IMMP2L: variants seen among roughly 807,000 people sequenced by gnomAD.
IMMP2L encodes the protein mitochondrial inner membrane protease subunit 2.
Under a neutral mutation model 19.3 loss-of-function variants are expected in IMMP2L, and 18 were observed. That is an observed-to-expected ratio of 0.93 (90% confidence interval 0.64 to 1.38). The LOEUF is 1.38. IMMP2L is among the 40% of genes most tolerant of loss of function. IMMP2L has a pLI of 0.00. For synonymous variants in IMMP2L, 76 were observed against 73.0 expected (o/e 1.04, Z -0.21); for missense variants, 233 against 218.2 (o/e 1.07, Z -0.43).
At chr7:111,092,900 C>G (rs996062115) in intron 3 of IMMP2L, among the ~76,000 whole-genome samples, 7 of 152,170 alleles carry the variant, frequency 4.6e-5, no homozygotes, top group African/African-American at 1.7e-4. Context: ...ACACAGTTAA[C>G]AGAGTCAGCT....
chr7:111,056,399 C>T (rs1011057362), intron 3 of IMMP2L, among the ~76,000 whole-genome samples: 5 of 152,190 alleles, frequency 3.3e-5, no homozygotes, highest in African/African-American at 1.2e-4. Flanking sequence ...TATTTACACA[C>T]AATAATTACT....
chr7:111,132,995 C>G (rs992228609), intron 3 of IMMP2L, among the ~76,000 whole-genome samples: 6 of 151,964 alleles, frequency 3.9e-5, no homozygotes, highest in Non-Finnish European at 7.4e-5. Flanking sequence ...TATGGCCAAG[C>G]TTAGTTGTTG....
intron 3 of IMMP2L, among the ~76,000 whole-genome samples, chr7:111,255,382 G>A (rs1273323671): frequency 6.6e-6 from 1 of 151,964 alleles, no homozygotes; most frequent in East Asian, 1.9e-4. Context: ...TGGTGGGAGA[G>A]GTAGTGAGAG....
intron 4 of IMMP2L, among the ~76,000 whole-genome samples, chr7:110,895,085 G>A (rs1585172819): frequency 6.6e-6 from 1 of 152,146 alleles, no homozygotes; most frequent in South Asian, 2.1e-4. Context: ...CACGTGGCTC[G>A]GGAGGCCTCA....
chr7:110,981,704 A>G (rs1212788542), intron 3 of IMMP2L, among the ~76,000 whole-genome samples: 6 of 152,090 alleles, frequency 3.9e-5, no homozygotes, highest in Non-Finnish European at 7.4e-5. Context: ...AAATATATCT[A>G]CCTTTTCAGC....
chr7:111,214,597 C>T (rs2129619497), intron 3 of IMMP2L, among the ~76,000 whole-genome samples: 1 of 144,364 alleles, frequency 6.9e-6, no homozygotes, highest in Admixed American at 6.8e-5. Context: ...AGGTGATCCA[C>T]CTGCCTCAGC....
At position 110,924,219 on chromosome 7, in the gene IMMP2L, T is replaced by C. The variant is rs550486757; in HGVS notation, c.306-37524A>G. Among the ~76,000 whole-genome samples the C allele has an allele frequency of 2.0e-5, 3 of 152,192 alleles. No individual in the cohort carries two copies. Among genetic ancestry groups the C allele is most frequent in the Non-Finnish European group, 2.9e-5 (2 of 68,038 alleles). On this transcript the variant is annotated intron_variant, in intron 4 of 5. Coordinates refer to ENST00000405709, the MANE Select transcript of IMMP2L (RefSeq NM_032549.4). This position sits in a 1 kb window ranked among gnomAD's most constrained non-coding sequence, Gnocchi z 4.2. Reference sequence around the variant, plus strand: ...GCCTATAAGAACATAGACAGCACTGTTTCTCCCCAGTGTGTCTTTAATTTC... The same window carrying C: ...GCCTATAAGAACATAGACAGCACTGCTTCTCCCCAGTGTGTCTTTAATTTC...
At chr7:111,196,536 T>A (rs1475104541) in intron 3 of IMMP2L, among the ~76,000 whole-genome samples, 2 of 152,182 alleles carry the variant, frequency 1.3e-5, no homozygotes, top group Non-Finnish European at 2.9e-5. Context: ...TCCTATACAC[T>A]ATTTTCTAAA....
intron 3 of IMMP2L, among the ~76,000 whole-genome samples, chr7:111,013,013 C>G (rs971066827): frequency 6.6e-6 from 1 of 152,074 alleles, no homozygotes; most frequent in Non-Finnish European, 1.5e-5. Flanking sequence ...GCACTAGGTA[C>G]AAGAACTATA....
At chr7:111,257,721 T>C (rs1357948351) in intron 3 of IMMP2L, among the ~76,000 whole-genome samples, 2 of 152,174 alleles carry the variant, frequency 1.3e-5, no homozygotes, top group Admixed American at 1.3e-4. Context: ...AACAACACAG[T>C]GAATGATTAC....
intron 5 of IMMP2L, among the ~76,000 whole-genome samples, chr7:110,730,156 A>G (rs920377892): frequency 2.0e-5 from 3 of 152,098 alleles, no homozygotes; most frequent in African/African-American, 7.2e-5. Flanking sequence ...GATGCAAATT[A>G]TTGTTCCTGG....
At chr7:111,203,406 C>T (rs917093649) in intron 3 of IMMP2L, among the ~76,000 whole-genome samples, 1 of 151,710 alleles carries the variant, frequency 6.6e-6, no homozygotes, top group East Asian at 1.9e-4. Flanking sequence ...TGGCAACAAG[C>T]GTTTTGAAGA....
intron 3 of IMMP2L, among the ~76,000 whole-genome samples, chr7:110,989,096 G>A (rs954128792): frequency 9.9e-5 from 15 of 152,242 alleles, no homozygotes; most frequent in South Asian, 6.2e-4. Context: ...TTAGCCGGGT[G>A]TCGTGGCACA....
chr7:111,415,229 T>A (rs549869492), intron 3 of IMMP2L, among the ~76,000 whole-genome samples: 1 of 151,460 alleles, frequency 6.6e-6, no homozygotes, highest in African/African-American at 2.4e-5. Flanking sequence ...CCGAGAGCAG[T>A]CTCCAGACAA....
intron 5 of IMMP2L, among the ~76,000 whole-genome samples, chr7:110,726,365 A>G (rs1044257844): frequency 3.3e-5 from 5 of 152,196 alleles, no homozygotes; most frequent in African/African-American, 1.2e-4. Context: ...AAAGTGCACA[A>G]AAGCATGGAA....
intron 5 of IMMP2L, among the ~76,000 whole-genome samples, chr7:110,731,894 C>CA (rs1015926611): frequency 1.1e-4 from 16 of 151,930 alleles, no homozygotes; most frequent in Non-Finnish European, 2.1e-4. Flanking sequence ...AGGTGCTGAA[C>CA]AAAAAAAGTA....
intron 3 of IMMP2L, among the ~76,000 whole-genome samples, chr7:111,084,894 G>A (rs985672516): frequency 1.3e-5 from 2 of 152,102 alleles, no homozygotes; most frequent in African/African-American, 4.8e-5. Flanking sequence ...GATAGATGAG[G>A]GTTCAGGATT....
At chr7:110,921,488 C>A (rs1272099854) in intron 4 of IMMP2L, among the ~76,000 whole-genome samples, 1 of 152,166 alleles carries the variant, frequency 6.6e-6, no homozygotes, top group African/African-American at 2.4e-5. Context: ...TATTCCTCTG[C>A]ATTATTTCTT....
At chr7:111,183,370 T>C (rs1026521882) in intron 3 of IMMP2L, among the ~76,000 whole-genome samples, 3 of 152,092 alleles carry the variant, frequency 2.0e-5, no homozygotes, top group Non-Finnish European at 4.4e-5. Flanking sequence ...GGAAATTCCA[T>C]AAAGATCAAA....
Sources: gnomAD v4.1 joint callset for allele counts (sites outside exome capture counted in the v4.1 genomes callset) on GRCh38, gnomAD v4.1.1 for gene constraint, Gnocchi (gnomAD v3.1) non-coding constraint, MANE v1.5 for transcripts, NCBI Gene and HGNC (gene_info 2026-07-23, HGNC 2026-07-21) for gene names.